PTPRM: variants seen among roughly 807,000 people sequenced by gnomAD.
PTPRM encodes the protein receptor-type tyrosine-protein phosphatase mu.
A neutral mutation model predicts 186.7 loss-of-function variants in PTPRM; 47 were observed. The ratio of observed to expected loss-of-function variants is 0.25; its 90% confidence interval spans 0.20 to 0.32. The LOEUF (loss-of-function observed/expected upper bound fraction) is 0.32, where lower values mean the gene tolerates loss of function less well. Among genes scored for constraint, PTPRM ranks in the 10% least tolerant of loss-of-function variants. The pLI, the probability that PTPRM is intolerant of heterozygous loss-of-function variation, is 1.00. For synonymous variants in PTPRM, 668 were observed against 674.9 expected (o/e 0.99, Z 0.16); for missense variants, 1,494 against 1,865.0 (o/e 0.80, Z 3.66).
At chr18:7,676,414 C>T (rs2039337221) in intron 1 of PTPRM, among the ~76,000 whole-genome samples, 1 of 152,064 alleles carries the variant, frequency 6.6e-6, no homozygotes, top group African/African-American at 2.4e-5. Context: ...CCGTCTTGTC[C>T]TTTGGCCTGA....
chr18:7,678,082 G>A (rs572208286), intron 1 of PTPRM, among the ~76,000 whole-genome samples: 4 of 152,050 alleles, frequency 2.6e-5, no homozygotes, highest in Non-Finnish European at 5.9e-5. Flanking sequence ...AATGAAAGAG[G>A]GGGGAAGGAA....
At chr18:8,138,527 G>T (rs901821915) in intron 13 of PTPRM, among the ~76,000 whole-genome samples, 1 of 151,962 alleles carries the variant, frequency 6.6e-6, no homozygotes, top group Non-Finnish European at 1.5e-5. Context: ...TCACACCTCC[G>T]TTCTGGTCCT....
At chr18:7,972,455 G>A (rs1304344813) in intron 7 of PTPRM, among the ~76,000 whole-genome samples, 2 of 9,796 alleles carry the variant, frequency 2.0e-4, no homozygotes, top group Admixed American at 1.5e-3. Context: ...AAAACTTAAA[G>A]TATAATTAAA....
intron 31 of PTPRM, among the ~76,000 whole-genome samples, chr18:8,390,776 A>G (rs2095806054): frequency 6.6e-6 from 1 of 151,880 alleles, no homozygotes; most frequent in Non-Finnish European, 1.5e-5. Context: ...AAACTACAAA[A>G]AATTAGCCGG....
intron 14 of PTPRM, among the ~76,000 whole-genome samples, chr18:8,161,137 A>G (rs73389764): frequency 0.022 from 3,336 of 152,314 alleles, 116 homozygotes; most frequent in African/African-American, 0.077. Context: ...TTCAAAATGA[A>G]GAGGTGACAT....
rs76919729 is a variant in PTPRM at position 7,842,377 on chromosome 18, C to G, written c.197-45729C>G. 5.8e-3 allele frequency among the ~76,000 whole-genome samples: 889 copies of G among 152,306 alleles called. 4 individuals carry two copies. The highest frequency in any genetic ancestry group is 8.0e-3 in the Non-Finnish European group (542 of 68,020). ...ATGGGCGTTAACTCAAGCCACCCAA[C>G]TAACCAATGAAGTGTAGGTACTATT... On this transcript the variant is annotated intron_variant, in intron 2 of 32. Transcript: ENST00000580170.
At chr18:7,997,676 CCAA>C (rs913210063) in intron 7 of PTPRM, among the ~76,000 whole-genome samples, 3 of 151,964 alleles carry the variant, frequency 2.0e-5, no homozygotes, top group African/African-American at 7.2e-5. Flanking sequence ...CTCAAACAAC[CCAA>C]CAACAATAAC....
At chr18:7,949,926 G>A (rs1376614213) in intron 6 of PTPRM, among the ~76,000 whole-genome samples, 12 of 152,054 alleles carry the variant, frequency 7.9e-5, no homozygotes, top group African/African-American at 2.9e-4. Context: ...TCCTTTAGCC[G>A]GTTTAATGGG....
chr18:8,187,130 G>A (rs1040296583), intron 14 of PTPRM, among the ~76,000 whole-genome samples: 1 of 152,048 alleles, frequency 6.6e-6, no homozygotes, highest in African/African-American at 2.4e-5. Flanking sequence ...AGCAGAGAAG[G>A]GTTTTCACCA....
chr18:7,660,939 C>T (rs950126146), intron 1 of PTPRM, among the ~76,000 whole-genome samples: 2 of 151,700 alleles, frequency 1.3e-5, no homozygotes, highest in African/African-American at 2.4e-5. Context: ...CCATTGCACT[C>T]CAGCCTAGGT....
At chr18:7,738,581 G>A (rs1190136091) in intron 1 of PTPRM, among the ~76,000 whole-genome samples, 13 of 150,216 alleles carry the variant, frequency 8.7e-5, no homozygotes, top group South Asian at 8.5e-4. Context: ...GACTATAGGC[G>A]CCCGCCACCA....
intron 1 of PTPRM, chr18:7,754,732 G>C (rs1482267206): frequency 6.6e-6 from 1 of 152,198 alleles, no homozygotes; most frequent in Non-Finnish European, 1.5e-5. Context: ...ATGTTTGGGG[G>C]GATCCCAAGG....
rs1479587052 is a variant in PTPRM, at chr18:7,977,031, C to T, written c.1132+21617C>T. On this transcript the variant is annotated intron_variant, in intron 7 of 32. Transcript: ENST00000580170. ...TTGTAAATCCATTCCTCATATTTAGCATGGATCTCACCTTAGCTCCAGTTA... is the reference window on the plus strand; with the variant it reads ...TTGTAAATCCATTCCTCATATTTAGTATGGATCTCACCTTAGCTCCAGTTA... Among the ~76,000 whole-genome samples the T allele has an allele frequency of 7.9e-5, 12 of 151,866 alleles. No individual in the cohort carries two copies. In the East Asian group the frequency reaches 1.9e-3, roughly 25 times the overall value.
intron 5 of PTPRM, among the ~76,000 whole-genome samples, chr18:7,933,482 A>T (rs2051610101): frequency 6.6e-6 from 1 of 151,606 alleles, no homozygotes; most frequent in Non-Finnish European, 1.5e-5. Context: ...TGTGTGCAAG[A>T]CATGACAGAA....
intron 7 of PTPRM, among the ~76,000 whole-genome samples, chr18:8,044,594 T>C (rs1206963614): frequency 6.6e-6 from 1 of 151,530 alleles, no homozygotes; most frequent in African/African-American, 2.4e-5. Flanking sequence ...CCATCTCTAC[T>C]AAAAATACAA....
intron 22 of PTPRM, among the ~76,000 whole-genome samples, chr18:8,333,539 T>C (rs960457089): frequency 6.6e-6 from 1 of 152,208 alleles, no homozygotes; most frequent in Non-Finnish European, 1.5e-5. Context: ...AGAAAACCAC[T>C]GAAGGGACAA....
intron 14 of PTPRM, among the ~76,000 whole-genome samples, chr18:8,178,511 C>T (rs568427866): frequency 2.2e-4 from 34 of 152,176 alleles, no homozygotes; most frequent in Admixed American, 5.9e-4. Flanking sequence ...GGGCTGGGCA[C>T]GGTGGCTCAT....
At chr18:8,177,232 G>A (rs1243044501) in intron 14 of PTPRM, among the ~76,000 whole-genome samples, 6 of 152,208 alleles carry the variant, frequency 3.9e-5, no homozygotes, top group Admixed American at 6.5e-5. Context: ...AATAAAGTAA[G>A]TAGTTTCTTT....
intron 19 of PTPRM, among the ~76,000 whole-genome samples, chr18:8,287,523 C>A (rs956456759): frequency 6.6e-6 from 1 of 152,148 alleles, no homozygotes; most frequent in African/African-American, 2.4e-5. Flanking sequence ...ATAATGCAGG[C>A]AAGAGATGGG....
Sources: gnomAD v4.1 joint callset for allele counts (sites outside exome capture counted in the v4.1 genomes callset) on GRCh38, gnomAD v4.1.1 for gene constraint, MANE v1.5 for transcripts, NCBI Gene and HGNC (gene_info 2026-07-23, HGNC 2026-07-21) for gene names.